The following HCCS variants were observed in gnomAD, a reference collection of about 807,000 sequenced individuals.
HCCS encodes the protein holocytochrome c synthase.
Under a neutral mutation model 24.2 loss-of-function variants are expected in HCCS, and 2 were observed. The ratio of observed to expected loss-of-function variants is 0.08; its 90% confidence interval spans 0.03 to 0.26. The LOEUF (loss-of-function observed/expected upper bound fraction) is 0.26, where lower values mean the gene tolerates loss of function less well. HCCS is among the 10% of genes least tolerant of loss of function. The pLI, the probability that HCCS is intolerant of heterozygous loss-of-function variation, is 1.00. For synonymous variants in HCCS, 73 were observed against 76.2 expected, an observed-to-expected ratio of 0.96 and a Z score of 0.22; for missense variants, 150 against 213.3, an observed-to-expected ratio of 0.70 and a Z score of 1.85.
intron 5 of HCCS, among the ~76,000 whole-genome samples, chrX:11,119,014 G>A (rs1215126851): frequency 9.0e-6 from 1 of 111,403 alleles, no homozygotes; most frequent in Non-Finnish European, 1.9e-5. Flanking sequence ...TCATATGGTG[G>A]CTAGGTTCCA....
chrX:11,121,340 G>A (rs2045490064), intron 6 of HCCS, among the ~76,000 whole-genome samples: 1 of 112,488 alleles, frequency 8.9e-6, no homozygotes, highest in Admixed American at 9.4e-5. Flanking sequence ...CATCTCTGCA[G>A]TATCTCAGCT....
At chrX:11,119,764 T>C (rs2045477051) in intron 5 of HCCS, among the ~76,000 whole-genome samples, 1 of 112,288 alleles carries the variant, frequency 8.9e-6, no homozygotes, top group Non-Finnish European at 1.9e-5. Context: ...ATCTCTGGAC[T>C]GAGAGGAGCC....
Position 11,120,998 on chromosome X carries a change from G to GT in HCCS, c.608+6dup. On this transcript the variant is annotated splice_donor_region_variant and intron_variant, in intron 6 of 6. Transcript: ENST00000380762. ...ACGAATTCGTTCCTGGATGGGGTGA[G>GT]TGTCAGCGCAGAAGTGTTGTTTCAC... 8.5e-7 allele frequency: 1 copy of GT among 1,182,322 alleles called. No homozygotes were observed. Among genetic ancestry groups the GT allele is most frequent in the African/African-American group, 1.7e-5 (1 of 57,278 alleles).
At chrX:11,120,176 C>T in intron 5 of HCCS, 1 of 207,734 alleles carries the variant, frequency 4.8e-6, no homozygotes, top group Non-Finnish European at 9.1e-6. Context: ...TATAGGTGGC[C>T]TGCTGACTTG....
intron 2 of HCCS, 79 bp downstream of exon 2, chrX:11,112,239 C>T (rs1052046786): frequency 1.2e-5 from 9 of 760,280 alleles, no homozygotes; most frequent in Non-Finnish European, 1.8e-5. Flanking sequence ...TGTGACAGCA[C>T]TTTGGGAGGC....
intron 5 of HCCS, among the ~76,000 whole-genome samples, chrX:11,119,486 C>G (rs1000979646): frequency 9.8e-5 from 11 of 112,030 alleles, no homozygotes; most frequent in Non-Finnish European, 2.1e-4. Flanking sequence ...CGGGTGGTGC[C>G]TAGACTGGGT....
At chrX:11,112,896 A>G (rs1295545828) in intron 2 of HCCS, among the ~76,000 whole-genome samples, 1 of 112,755 alleles carries the variant, frequency 8.9e-6, no homozygotes, top group African/African-American at 3.2e-5. Context: ...CCTACAATGT[A>G]CAGAACAGCC....
rs754033072 is a variant in HCCS, at chrX:11,114,902, C to G, written c.168C>G (p.His56Gln). Reference protein sequence around the residue: ...CEKKTYSVPAHQERAYEYVEC... With the variant: ...CEKKTYSVPAQQERAYEYVEC... ...AGAAAACATACTCTGTGCCTGCCCA[C>G]CAGGAACGCGCCTATGAGTACGTGG... The change falls in exon 3 of 7, where the codon CAC (histidine) becomes CAG (glutamine). Residue 56 changes from histidine (H) to glutamine (Q), a missense_variant. His to Gln is a conservative substitution (Grantham distance 24). Coordinates refer to ENST00000380762, the MANE Select transcript of HCCS (RefSeq NM_005333.5). 6 of 1,203,842 alleles carry G rather than the reference C, an allele frequency of 5.0e-6. No individual in the cohort carries two copies.
intron 2 of HCCS, among the ~76,000 whole-genome samples, chrX:11,114,308 C>T (rs1192390778): frequency 8.9e-6 from 1 of 112,586 alleles, no homozygotes; most frequent in Non-Finnish European, 1.9e-5. Context: ...TTTGCAGTAG[C>T]CTCTGTGATG....
At chrX:11,112,789 C>G (rs886911188) in intron 2 of HCCS, among the ~76,000 whole-genome samples, 1 of 112,868 alleles carries the variant, frequency 8.9e-6, no homozygotes, top group Non-Finnish European at 1.9e-5. Context: ...GGGGCAATCC[C>G]CCCTTCCCAC....
chrX:11,115,541 C>T (rs2045441886), intron 3 of HCCS, among the ~76,000 whole-genome samples: 1 of 111,657 alleles, frequency 9.0e-6, no homozygotes, highest in African/African-American at 3.3e-5. Context: ...TAACGGGAGG[C>T]TCAGGCATAT....
chrX:11,111,896 T>G (rs1227843034), intron 1 of HCCS, 123 bp from the exon 2 acceptor site: 1 of 493,671 alleles, frequency 2.0e-6, no homozygotes, highest in Non-Finnish European at 3.6e-6. Context: ...CCTTCGAAGT[T>G]AGTACCCTGC....
intron 5 of HCCS, among the ~76,000 whole-genome samples, chrX:11,119,576 G>A (rs1189885728): frequency 8.9e-6 from 1 of 112,676 alleles, no homozygotes; most frequent in Non-Finnish European, 1.9e-5. Flanking sequence ...TGCACAATGC[G>A]ATTAATTAAT....
At position 11,112,129 on chromosome X, in the gene HCCS, AGG is replaced by A; in HGVS notation, c.70_71del (p.Gly24MetfsTer5). 2 of 1,205,249 alleles carry A rather than the reference AGG, an allele frequency of 1.7e-6. No individual in the cohort carries two copies. Among genetic ancestry groups the A allele is most frequent in the Non-Finnish European group, 2.2e-6 (2 of 889,366 alleles). On this transcript the variant is annotated frameshift_variant, in exon 2 of 7. Transcript: ENST00000380762. LOFTEE classifies it high-confidence loss of function. ...CAAATGCTTCAGCGTCCCCACCTTCAGGATGCCCGATGCATGAAGGGAAAATG... is the reference window on the plus strand; with the variant it reads ...CAAATGCTTCAGCGTCCCCACCTTCAATGCCCGATGCATGAAGGGAAAATG... ...ASNASASPPSGCPMHEGKMKG... is the reference protein window; with the variant it reads ...ASNASASPPSXCPMHEGKMKG...
chrX:11,116,157 T>C (rs774842855), intron 3 of HCCS: 1 of 112,791 alleles, frequency 8.9e-6, no homozygotes, highest in Non-Finnish European at 1.9e-5. Context: ...CTGGTTGTGA[T>C]CAATTAGTCG....
chrX:11,112,637 A>T (rs1423314498), intron 2 of HCCS, among the ~76,000 whole-genome samples: 1 of 112,814 alleles, frequency 8.9e-6, no homozygotes, highest in African/African-American at 3.2e-5. Context: ...TCAGTCTGTC[A>T]TCTGTAAGAT....
Position 11,112,474 on chromosome X carries a change from G to A in HCCS, c.100+314G>A, listed in dbSNP as rs149579794. On this transcript the variant is annotated intron_variant, in intron 2 of 6. Coordinates refer to ENST00000380762, the MANE Select transcript of HCCS (RefSeq NM_005333.5). ...CCAGCCTGGGTGACAGAGTGAGACT[G>A]TGTCTTAAAAAAAGTCTGGAAAGCC... 5.7e-3 allele frequency among the ~76,000 whole-genome samples: 636 copies of A among 111,840 alleles called. 8 individuals are homozygous for A. Among genetic ancestry groups the A allele is most frequent in the African/African-American group, 0.02 (620 of 30,758 alleles).
rs3086668 is a variant in HCCS at position 11,111,355 on chromosome X, AGGCGGC to A, written c.-186_-181del. The A allele has an allele frequency of 1.8e-3, 296 of 162,585 alleles. 1 individual carries two copies. The highest frequency in any genetic ancestry group is 0.016 in the Middle Eastern group (7 of 430). 13.4% of individuals were successfully genotyped at this position (162,585 alleles called of 1,213,427 possible). On this transcript the variant is annotated 5_prime_UTR_variant, in exon 1 of 7. Transcript: ENST00000380762. ...CCACAGCGGTGACCGAGTGAGAGGA[AGGCGGC>A]GGCGGCGGCGGCGGCGGCGTGAAGT...
At chrX:11,115,029 G>A (rs1214818514) in intron 3 of HCCS, 43 bp downstream of exon 3, 12 of 1,125,851 alleles carry the variant, frequency 1.1e-5, no homozygotes, top group Non-Finnish European at 1.5e-5. Context: ...TTTTATGCAG[G>A]GTTGCTTATA....
Sources: allele counts gnomAD v4.1 joint callset (sites outside exome capture counted in the v4.1 genomes callset), GRCh38; gene constraint gnomAD v4.1.1; transcripts MANE v1.5; gene names NCBI Gene and HGNC (gene_info 2026-07-23, HGNC 2026-07-21).